Variants in MAN1C1 observed in about 807,000 individuals in gnomAD.
MAN1C1 encodes mannosyl-oligosaccharide 1,2-alpha-mannosidase IC.
Under a neutral mutation model 71.5 loss-of-function variants are expected in MAN1C1, and 49 were observed. That is an observed-to-expected ratio of 0.69 (90% CI 0.54 to 0.87). MAN1C1 has a LOEUF of 0.87. Among genes scored for constraint, MAN1C1 ranks in the 40% least tolerant of loss-of-function variants. MAN1C1 has a pLI of 0.00. For synonymous variants in MAN1C1, 352 were observed against 343.7 expected, an observed-to-expected ratio of 1.02 and a Z score of -0.27; for missense variants, 743 against 835.0, an observed-to-expected ratio of 0.89 and a Z score of 1.36.
intron 2 of MAN1C1, among the ~76,000 whole-genome samples, chr1:25,697,504 A>C (rs969386947): frequency 2.0e-5 from 3 of 152,248 alleles, no homozygotes; most frequent in Non-Finnish European, 4.4e-5. Flanking sequence ...AATAATGCTG[A>C]TACGAACATT....
intron 1 of MAN1C1, among the ~76,000 whole-genome samples, chr1:25,665,903 G>C (rs2045917473): frequency 7.7e-6 from 1 of 130,074 alleles, no homozygotes; most frequent in Non-Finnish European, 1.5e-5. Context: ...CTCCAGCCAT[G>C]GGGAGAGGTC....
At chr1:25,681,652 C>A (rs923230688) in intron 1 of MAN1C1, among the ~76,000 whole-genome samples, 1 of 152,172 alleles carries the variant, frequency 6.6e-6, no homozygotes, top group African/African-American at 2.4e-5. Context: ...CTGCACAGGT[C>A]CGTACCTAGA....
chr1:25,782,084 C>CA lies in MAN1C1; in HGVS notation c.1651-499dup, dbSNP rs1435245557. ...TGGGCGACAAAATGAGACCTTGTCT[C>CA]AAGAAAAAAAAATGCATTTATATAG... On this transcript the variant is annotated intron_variant, in intron 10 of 11. Transcript: ENST00000374332. This position sits in a 1 kb window ranked among gnomAD's most constrained non-coding sequence, Gnocchi z 4.4. Among the ~76,000 whole-genome samples, 154 of 145,940 alleles carry CA rather than the reference C, an allele frequency of 1.1e-3. No individual in the cohort carries two copies. The highest frequency in any genetic ancestry group is 1.7e-3 in the African/African-American group (67 of 39,690).
At chr1:25,673,889 T>A (rs1246672279) in intron 1 of MAN1C1, among the ~76,000 whole-genome samples, 1 of 152,204 alleles carries the variant, frequency 6.6e-6, no homozygotes, top group Non-Finnish European at 1.5e-5. Context: ...AGGCAAAGCA[T>A]TTTGGAAATG....
intron 2 of MAN1C1, among the ~76,000 whole-genome samples, chr1:25,691,334 TAAAAAG>T (rs1223036990): frequency 1.3e-5 from 2 of 151,886 alleles, no homozygotes; most frequent in East Asian, 3.9e-4. Context: ...CAACAACAAT[TAAAAAG>T]AACTTGGACT....
intron 2 of MAN1C1, among the ~76,000 whole-genome samples, chr1:25,712,074 A>T (rs1237852492): frequency 1.3e-5 from 2 of 152,164 alleles, no homozygotes; most frequent in Non-Finnish European, 2.9e-5. Flanking sequence ...CTTATTTTGC[A>T]GTCATAACAA....
chr1:25,760,338 C>G (rs1371694718), intron 6 of MAN1C1: 2 of 152,248 alleles, frequency 1.3e-5, no homozygotes, highest in Non-Finnish European at 2.9e-5. Flanking sequence ...GTGATTCAAG[C>G]CCAGGATGTG....
chr1:25,649,099 C>T (rs1012656231), intron 1 of MAN1C1, among the ~76,000 whole-genome samples: 7 of 152,162 alleles, frequency 4.6e-5, no homozygotes, highest in South Asian at 4.1e-4. Context: ...ATGTCAAGCA[C>T]GTACCAGGAA....
At chr1:25,740,585 C>T (rs1054157728) in intron 2 of MAN1C1, among the ~76,000 whole-genome samples, 6 of 152,054 alleles carry the variant, frequency 3.9e-5, no homozygotes, top group South Asian at 2.1e-4. Context: ...TATAGGCGCC[C>T]GCCACCATGC....
At chr1:25,623,421 C>A (rs1359315169) in intron 1 of MAN1C1, among the ~76,000 whole-genome samples, 2 of 151,168 alleles carry the variant, frequency 1.3e-5, no homozygotes, top group African/African-American at 4.9e-5. Flanking sequence ...TTTTAAAAGT[C>A]TGCTGCCTAT....
chr1:25,758,513 C>A, intron 5 of MAN1C1, 79 bp from the exon 6 acceptor site: 1 of 1,270,412 alleles, frequency 7.9e-7, no homozygotes, highest in Non-Finnish European at 1.1e-6. Context: ...GTGCCCCCAC[C>A]GAGCAGCTGC....
chr1:25,661,207 G>A (rs1445096884), intron 1 of MAN1C1, among the ~76,000 whole-genome samples: 1 of 152,216 alleles, frequency 6.6e-6, no homozygotes, highest in Non-Finnish European at 1.5e-5. Context: ...GCTGTGCTGC[G>A]TGGCCCATGT....
chr1:25,710,162 G>GT (rs2046594906), intron 2 of MAN1C1: 1 of 152,220 alleles, frequency 6.6e-6, no homozygotes, highest in African/African-American at 2.4e-5. Context: ...AATCATTGCT[G>GT]TTCTCCCACT....
chr1:25,757,500 C>CGGG (rs4018193), intron 5 of MAN1C1, among the ~76,000 whole-genome samples: 1 of 150,564 alleles, frequency 6.6e-6, no homozygotes, highest in Non-Finnish European at 1.5e-5. Flanking sequence ...AACTGAGGCA[C>CGGG]GGGGGGGGGG....
At chr1:25,695,991 T>C (rs1332375642) in intron 2 of MAN1C1, among the ~76,000 whole-genome samples, 1 of 152,220 alleles carries the variant, frequency 6.6e-6, no homozygotes, top group African/African-American at 2.4e-5. Flanking sequence ...TCTTGGAATC[T>C]GAGATTTCAG....
At chr1:25,767,115 C>G (rs1572205735) in intron 7 of MAN1C1, among the ~76,000 whole-genome samples, 1 of 151,836 alleles carries the variant, frequency 6.6e-6, no homozygotes, top group East Asian at 1.9e-4. Flanking sequence ...GTGCTTCTCC[C>G]AGCCCGCCTC....
At chr1:25,636,130 T>C (rs2045456845) in intron 1 of MAN1C1, among the ~76,000 whole-genome samples, 1 of 152,154 alleles carries the variant, frequency 6.6e-6, no homozygotes, top group Non-Finnish European at 1.5e-5. Context: ...ATCACATGCT[T>C]CTGAGGAAAC....
chr1:25,699,120 A>G (rs992693266), intron 2 of MAN1C1, among the ~76,000 whole-genome samples: 3 of 152,152 alleles, frequency 2.0e-5, no homozygotes, highest in African/African-American at 4.8e-5. Context: ...CAGCCTGACC[A>G]ACATGGAGAA....
intron 1 of MAN1C1, among the ~76,000 whole-genome samples, chr1:25,620,933 T>C (rs1238716628): frequency 6.6e-6 from 1 of 152,232 alleles, no homozygotes; most frequent in African/African-American, 2.4e-5. Context: ...TAGAACCAAC[T>C]GTTTTTCCTC....
Sources: allele counts gnomAD v4.1 joint callset (sites outside exome capture counted in the v4.1 genomes callset), GRCh38; gene constraint gnomAD v4.1.1; non-coding constraint Gnocchi (gnomAD v3.1); transcripts MANE v1.5; gene names NCBI Gene and HGNC (gene_info 2026-07-23, HGNC 2026-07-21).